GIN1: variants seen among roughly 807,000 people sequenced by gnomAD.
The protein encoded by GIN1 is gypsy retrotransposon integrase-like protein 1.
A neutral mutation model predicts 51.4 loss-of-function variants in GIN1; 41 were observed. The observed-to-expected ratio is 0.80, with a 90% CI of 0.62 to 1.04. The LOEUF is 1.04. Among genes scored for constraint, GIN1 ranks in the 50% least tolerant of loss-of-function variants. GIN1 has a pLI of 0.00. For missense variants in GIN1, 610 were observed against 612.4 expected (o/e 1.00, Z 0.04); for synonymous variants, 222 against 206.5 (o/e 1.07, Z -0.64).
intron 2 of GIN1, 59 bp downstream of exon 2, chr5:103,108,510 A>G: frequency 8.4e-7 from 1 of 1,193,114 alleles, no homozygotes; most frequent in Non-Finnish European, 1.2e-6. Context: ...AACTTCCACA[A>G]GGAAGAATGT....
Position 103,097,323 on chromosome 5 carries a change from T to G in GIN1, c.999A>C (p.Ser333=), listed in dbSNP as rs782688806. The change falls in exon 6 of 8, where the codon TCA becomes TCC. Residue 333 remains serine (S), a synonymous_variant. Coordinates refer to ENST00000399004, the MANE Select transcript of GIN1 (RefSeq NM_017676.2). ...ADKIMENKTT[S]LGQMENNNLD... Reference sequence around the variant, plus strand: ...TATTGAATAGAATCACCTGGCCCAGTGAAGTTGTCTTATTCTCCATTATTT... The same window carrying G: ...TATTGAATAGAATCACCTGGCCCAGGGAAGTTGTCTTATTCTCCATTATTT... 1 of 1,582,562 alleles carries G rather than the reference T, an allele frequency of 6.3e-7. No individual in the cohort carries two copies. Among genetic ancestry groups the G allele is most frequent in the Non-Finnish European group, 8.7e-7 (1 of 1,154,402 alleles).
intron 1 of GIN1, among the ~76,000 whole-genome samples, chr5:103,109,879 A>C (rs535633232): frequency 6.6e-6 from 1 of 152,160 alleles, no homozygotes; most frequent in Non-Finnish European, 1.5e-5. Context: ...GCCAATTGGC[A>C]TAAGGACAGA....
At chr5:103,099,745 T>C (rs182192252) in intron 4 of GIN1, among the ~76,000 whole-genome samples, 1 of 152,340 alleles carries the variant, frequency 6.6e-6, no homozygotes, top group Admixed American at 6.5e-5. Flanking sequence ...TTAATTTTCC[T>C]ACTGAATATG....
rs1258599080 is a variant in GIN1 at position 103,097,338 on chromosome 5, C to A, written c.984G>T (p.Glu328Asp). ...DAIKEADKIM[E>D]NKTTSLGQME... ...CCTGGCCCAGTGAAGTTGTCTTATTCTCCATTATTTTATCAGCTTCTTTAA... is the reference window on the plus strand; with the variant it reads ...CCTGGCCCAGTGAAGTTGTCTTATTATCCATTATTTTATCAGCTTCTTTAA... The change falls in exon 6 of 8, where the codon GAG becomes GAT. Residue 328 changes from glutamate to aspartate, a missense_variant. Physicochemically the swap from Glu to Asp is conservative, Grantham distance 45 (BLOSUM62 2). Transcript: ENST00000399004. 1 of 1,597,546 alleles carries A rather than the reference C, an allele frequency of 6.3e-7. No homozygotes were observed. Among genetic ancestry groups the A allele is most frequent in the Non-Finnish European group, 8.6e-7 (1 of 1,166,478 alleles).
Position 103,106,838 on chromosome 5 carries a change from T to TCCC in GIN1, c.210_211insGGG (p.Lys70_Lys71insGly). ...TCATGGCATTCTCTTAAGACTTTCT[T>TCCC]TTTTTCCTCTTCTGAAACAATTACC... On this transcript the variant is annotated inframe_insertion, in exon 3 of 8. Transcript: ENST00000399004. 2 of 1,604,040 alleles carry TCCC rather than the reference T, an allele frequency of 1.2e-6. No individual in the cohort carries two copies. Among genetic ancestry groups the TCCC allele is most frequent in the Non-Finnish European group, 1.7e-6 (2 of 1,174,488 alleles).
chr5:103,092,761 C>T (rs1353691533), intron 7 of GIN1, among the ~76,000 whole-genome samples: 2 of 151,504 alleles, frequency 1.3e-5, no homozygotes, highest in African/African-American at 4.9e-5. Context: ...ACCTGGGCAA[C>T]ATAGTAAGAC....
rs782702458 is a variant in GIN1 at position 103,106,809 on chromosome 5, A to G, written c.240T>C (p.Asn80=). Residue 80 remains asparagine (N), a synonymous_variant, in exon 3 of 8, where the codon AAT becomes AAC. Coordinates refer to ENST00000399004, the MANE Select transcript of GIN1 (RefSeq NM_017676.2). ...ATATACCATGATGAGCTCCACTGTC[A>G]TTTTCATGGCATTCTCTTAAGACTT... The part of the protein sequence containing the change: ...KKKVLRECHE[N]DSGAHHGISR... 5 of 1,602,632 alleles carry G rather than the reference A, an allele frequency of 3.1e-6. No individual in the cohort carries two copies. In the South Asian group the frequency reaches 5.6e-5, roughly 18 times the overall value.
At chr5:103,089,446 T>C (rs551395586) in intron 7 of GIN1, among the ~76,000 whole-genome samples, 76 of 152,172 alleles carry the variant, frequency 5.0e-4, no homozygotes, top group Non-Finnish European at 7.1e-4. Context: ...TTTCATTCAT[T>C]CATTCATTCA....
intron 7 of GIN1, among the ~76,000 whole-genome samples, chr5:103,089,615 C>T (rs2151460042): frequency 6.6e-6 from 1 of 152,210 alleles, no homozygotes; most frequent in Admixed American, 6.5e-5. Context: ...TGTCACTATG[C>T]CTGGCTAATT....
intron 1 of GIN1, among the ~76,000 whole-genome samples, chr5:103,113,891 C>A (rs1394614052): frequency 6.6e-6 from 1 of 152,178 alleles, no homozygotes; most frequent in Non-Finnish European, 1.5e-5. Flanking sequence ...TGGGAGAATA[C>A]AACCATTAAG....
chr5:103,114,928 G>A (rs938265799), intron 1 of GIN1, among the ~76,000 whole-genome samples: 3 of 152,102 alleles, frequency 2.0e-5, no homozygotes, highest in African/African-American at 7.2e-5. Context: ...GTAGCTAGTG[G>A]TTTTGGCAAC....
At position 103,117,581 on chromosome 5, in the gene GIN1, T is replaced by TATACACACACACACACACACACACACAC. The variant is rs5870042; in HGVS notation, c.-8+2482_-8+2483insGTGTGTGTGTGTGTGTGTGTGTGTGTAT. Among the ~76,000 whole-genome samples the TATACACACACACACACACACACACACAC allele has an allele frequency of 5.1e-3, 763 of 149,472 alleles. 5 individuals carry two copies. The highest frequency in any genetic ancestry group is 9.5e-3 in the Non-Finnish European group (639 of 66,940). ...GGTTCTCTATATGAAGAAAAAAATATACACACACACACACACACATATCAT... is the reference window on the plus strand; with the variant it reads ...GGTTCTCTATATGAAGAAAAAAATATATACACACACACACACACACACACACACACACACACACACACACACATATCAT... On this transcript the variant is annotated intron_variant, in intron 1 of 7. Transcript: ENST00000399004.
intron 1 of GIN1, among the ~76,000 whole-genome samples, chr5:103,117,581 T>TATATATACACACACACACACACACACAC (rs5870042): frequency 3.3e-5 from 5 of 149,382 alleles, no homozygotes; most frequent in East Asian, 2.0e-4. Context: ...GAAAAAAATA[T>TATATATACACACACACACACACACACAC]ACACACACAC....
intron 1 of GIN1, among the ~76,000 whole-genome samples, chr5:103,118,696 G>C (rs1452578451): frequency 1.0e-5 from 1 of 99,216 alleles, no homozygotes; most frequent in Non-Finnish European, 2.5e-5. Context: ...GTAGTTAAAA[G>C]TTTTACTGCT....
At chr5:103,093,104 C>T (rs572412576) in intron 7 of GIN1, among the ~76,000 whole-genome samples, 2 of 152,052 alleles carry the variant, frequency 1.3e-5, no homozygotes, top group East Asian at 3.9e-4. Flanking sequence ...TGAATGCAGA[C>T]CATAATTGTG....
At chr5:103,098,084 T>C (rs1055891833) in intron 4 of GIN1, among the ~76,000 whole-genome samples, 5 of 152,144 alleles carry the variant, frequency 3.3e-5, no homozygotes, top group African/African-American at 1.2e-4. Flanking sequence ...GGTTTCACCA[T>C]ATTGGCCAGG....
At chr5:103,097,158 T>C (rs1554195174) in intron 6 of GIN1, among the ~76,000 whole-genome samples, 156 bp downstream of exon 6, 1 of 152,246 alleles carries the variant, frequency 6.6e-6, no homozygotes, top group African/African-American at 2.4e-5. Flanking sequence ...GTAAACCAAC[T>C]ATTTAATCAA....
intron 7 of GIN1, among the ~76,000 whole-genome samples, chr5:103,096,331 ACT>A (rs782672266): frequency 1.3e-5 from 2 of 151,854 alleles, no homozygotes; most frequent in African/African-American, 4.8e-5. Flanking sequence ...AAAGAGGGAA[ACT>A]CTGTCTCAAA....
At chr5:103,103,278 C>T (rs1225923837) in intron 4 of GIN1, among the ~76,000 whole-genome samples, 2 of 152,214 alleles carry the variant, frequency 1.3e-5, no homozygotes, top group Non-Finnish European at 2.9e-5. Context: ...GAATTAAACA[C>T]GTCCTGTGTA....
Sources: allele counts gnomAD v4.1 joint callset (sites outside exome capture counted in the v4.1 genomes callset), GRCh38; gene constraint gnomAD v4.1.1; transcripts MANE v1.5; gene names NCBI Gene and HGNC (gene_info 2026-07-23, HGNC 2026-07-21).